The following KIF11 variants were observed in gnomAD, a reference collection of about 807,000 sequenced individuals.
KIF11 encodes the protein kinesin family member 11.
A neutral mutation model predicts 121.0 loss-of-function variants in KIF11; 9 were observed. The ratio of observed to expected loss-of-function variants is 0.07; its 90% CI spans 0.04 to 0.13. The LOEUF (loss-of-function observed/expected upper bound fraction) is 0.13, where lower values mean the gene tolerates loss of function less well. Ranked by LOEUF, KIF11 falls within the 10% of genes least tolerant of loss-of-function variation. KIF11 has a pLI of 1.00. For missense variants in KIF11, 846 were observed against 1,217.5 expected (o/e 0.69, Z 4.54); for synonymous variants, 408 against 421.0 (o/e 0.97, Z 0.38).
At chr10:92,648,137 A>G in intron 18 of KIF11, 75 bp from the exon 19 acceptor site, 1 of 1,035,560 alleles carries the variant, frequency 9.7e-7, no homozygotes, top group Non-Finnish European at 1.4e-6. Flanking sequence ...GGAAAAGGTA[A>G]GGGAAAATAT....
chr10:92,599,524 CAAA>C (rs377476272), intron 1 of KIF11, among the ~76,000 whole-genome samples: 7 of 92,394 alleles, frequency 7.6e-5, no homozygotes, highest in Non-Finnish European at 4.7e-5. Flanking sequence ...GACTCTGTCT[CAAA>C]AAAAAAAAAA....
chr10:92,630,221 A>C lies in KIF11; in HGVS notation c.1351A>C (p.Lys451Gln). 1.2e-6 allele frequency: 2 copies of C among 1,604,472 alleles called. No homozygotes were observed. The highest frequency in any genetic ancestry group is 1.7e-6 in the Non-Finnish European group (2 of 1,175,760). Residue 451 changes from lysine (K) to glutamine (Q), a missense_variant, in exon 12 of 22, where the codon AAA becomes CAA. Around this residue, in one of 5 missense-constraint regions of KIF11, gnomAD observed 95 missense variants for 109.3 expected, o/e 0.87. Coordinates refer to ENST00000260731, the MANE Select transcript of KIF11 (RefSeq NM_004523.4). ...TAATAAAAATGAACTTGACCAGTGT[A>C]AATCTGACCTGCAAAATAAAACACA... The part of the protein sequence containing the change: ...MDNKNELDQC[K>Q]SDLQNKTQEL...
intron 1 of KIF11, among the ~76,000 whole-genome samples, chr10:92,594,042 G>A (rs1237788919): frequency 6.6e-6 from 1 of 152,180 alleles, no homozygotes; most frequent in African/African-American, 2.4e-5. Flanking sequence ...TCGAGATAAA[G>A]GGATGTGGAG....
In KIF11 at chr10:92,607,254, A is replaced by G; in HGVS notation, c.387+17A>G. 1.4e-6 allele frequency: 2 copies of G among 1,446,800 alleles called. No homozygotes were observed. Among genetic ancestry groups the G allele is most frequent in the Non-Finnish European group, 1.9e-6 (2 of 1,030,746 alleles). The allele number at this position is 1,446,800 out of a possible 1,614,324, so 89.6% of individuals were successfully genotyped here. A position where few individuals can be genotyped will look rare whatever the true frequency, so the allele number is the denominator to read the frequency against. ...TGGGAAGAGGTATTTATTGTTTATA[A>G]CATACTTTTATCTCTAATGTGACTG... On this transcript the variant is annotated intron_variant, in intron 4 of 21. Transcript: ENST00000260731.
intron 9 of KIF11, among the ~76,000 whole-genome samples, chr10:92,617,850 C>T (rs577103170): frequency 3.3e-5 from 5 of 151,770 alleles, no homozygotes; most frequent in East Asian, 1.9e-4. Flanking sequence ...AGTGATTCTT[C>T]GACCTCAGTC....
At chr10:92,648,151 G>T in intron 18 of KIF11, 61 bp from the exon 19 acceptor site, 1 of 1,114,540 alleles carries the variant, frequency 9.0e-7, no homozygotes, top group Non-Finnish European at 1.3e-6. Context: ...AAAATATGAT[G>T]TTGAATAAAA....
At chr10:92,595,838 T>C (rs12240557) in intron 1 of KIF11, among the ~76,000 whole-genome samples, 13,316 of 152,264 alleles carry the variant, frequency 0.087, 669 homozygotes, top group Middle Eastern at 0.11. Context: ...TATCCTTTTG[T>C]GACTTGCTCA....
chr10:92,595,656 A>G lies in KIF11; in HGVS notation c.77+2204A>G, dbSNP rs187844199. 8.5e-5 allele frequency among the ~76,000 whole-genome samples: 13 copies of G among 152,300 alleles called. No homozygotes were observed. The South Asian group carries it at 2.3e-3, about 27-fold the overall frequency. ...ATTAAATACATAATATTCTGCAACA[A>G]TTACTACCATCCATCTCCATAACTC... On this transcript the variant is annotated intron_variant, in intron 1 of 21. Transcript: ENST00000260731.
At chr10:92,610,817 A>G (rs925283402) in intron 6 of KIF11, among the ~76,000 whole-genome samples, 1 of 152,206 alleles carries the variant, frequency 6.6e-6, no homozygotes, top group Non-Finnish European at 1.5e-5. Context: ...GAAAGAAGAA[A>G]AATATAACAT....
chr10:92,640,338 T>C (rs899188471), intron 17 of KIF11, among the ~76,000 whole-genome samples: 1 of 152,252 alleles, frequency 6.6e-6, no homozygotes, highest in Non-Finnish European at 1.5e-5. Context: ...AGTTGAGTCA[T>C]TGCATCCAGG....
At chr10:92,634,137 C>T (rs999568716) in intron 14 of KIF11, among the ~76,000 whole-genome samples, 1 of 152,004 alleles carries the variant, frequency 6.6e-6, no homozygotes, top group African/African-American at 2.4e-5. Context: ...GCGCCCACCA[C>T]CACACCCGGC....
At chr10:92,649,596 T>C (rs1564718288) in intron 19 of KIF11, among the ~76,000 whole-genome samples, 1 of 152,292 alleles carries the variant, frequency 6.6e-6, no homozygotes, top group East Asian at 1.9e-4. Flanking sequence ...TCCTCAGAGA[T>C]GGTAAACTTC....
intron 10 of KIF11, among the ~76,000 whole-genome samples, chr10:92,621,746 C>T (rs1418829709): frequency 6.6e-6 from 1 of 152,124 alleles, no homozygotes; most frequent in Admixed American, 6.6e-5. Flanking sequence ...GGATTATAGG[C>T]ATGAGCCACC....
chr10:92,622,097 GA>G (rs1346655378), intron 10 of KIF11, among the ~76,000 whole-genome samples: 1 of 151,890 alleles, frequency 6.6e-6, no homozygotes, highest in Non-Finnish European at 1.5e-5. Flanking sequence ...CCAACATGGA[GA>G]AACCCCATCA....
chr10:92,623,172 A>G (rs1844636264), intron 10 of KIF11, among the ~76,000 whole-genome samples: 1 of 152,222 alleles, frequency 6.6e-6, no homozygotes. Flanking sequence ...ATACAGAACT[A>G]TCCTATCATC....
intron 1 of KIF11, among the ~76,000 whole-genome samples, chr10:92,605,240 T>G (rs1031735459): frequency 1.3e-5 from 2 of 152,114 alleles, no homozygotes; most frequent in African/African-American, 4.8e-5. Flanking sequence ...TCTGTGTCTA[T>G]TCACTCATTT....
chr10:92,616,660 A>G (rs1844560350), intron 8 of KIF11, 77 bp from the exon 9 acceptor site: 1 of 717,858 alleles, frequency 1.4e-6, no homozygotes, highest in African/African-American at 1.8e-5. Flanking sequence ...GTAAGTTATT[A>G]TATAACATAT....
intron 1 of KIF11, among the ~76,000 whole-genome samples, chr10:92,603,263 C>CTTTTTTTTTTTTTTTTTTTTTT (rs368046931): frequency 9.2e-6 from 1 of 109,172 alleles, no homozygotes; most frequent in African/African-American, 3.7e-5. Flanking sequence ...CTTTTCTTTT[C>CTTTTTTTTTTTTTTTTTTTTTT]TTTTTTTTTT....
chr10:92,626,444 A>G (rs1297671035), intron 10 of KIF11, among the ~76,000 whole-genome samples: 1 of 152,200 alleles, frequency 6.6e-6, no homozygotes, highest in African/African-American at 2.4e-5. Context: ...TGTAAAACCT[A>G]AAACTAAAAA....
Sources: allele counts gnomAD v4.1 joint callset (sites outside exome capture counted in the v4.1 genomes callset), GRCh38; gene constraint gnomAD v4.1.1; regional missense constraint gnomAD v4.1.1; transcripts MANE v1.5; gene names NCBI Gene and HGNC (gene_info 2026-07-23, HGNC 2026-07-21).